Variants in FRY observed in about 807,000 individuals in gnomAD.
FRY encodes FRY microtubule binding protein.
A neutral mutation model predicts 348.4 loss-of-function variants in FRY; 128 were observed. That is an observed-to-expected ratio of 0.37 (90% confidence interval 0.32 to 0.43). The LOEUF is 0.43. Ranked by LOEUF, FRY falls within the 20% of genes least tolerant of loss-of-function variation. The pLI is 1.00. For synonymous variants in FRY, 1,370 were observed against 1,374.7 expected (o/e 1.00, Z 0.08); for missense variants, 2,736 against 3,695.2 (o/e 0.74, Z 6.73).
chr13:32,173,673 A>C (rs1882219632), intron 19 of FRY, 124 bp downstream of exon 19: 1 of 773,244 alleles, frequency 1.3e-6, no homozygotes, highest in African/African-American at 1.7e-5. Flanking sequence ...TGTTTCATTC[A>C]TTGTTAGGTT....
Position 32,237,335 on chromosome 13 carries a change from A to C in FRY, c.5811-44A>C, listed in dbSNP as rs760687612. 109 of 1,605,054 alleles carry C rather than the reference A, an allele frequency of 6.8e-5. No individual in the cohort carries two copies. The highest frequency in any genetic ancestry group is 8.7e-5 in the Non-Finnish European group (102 of 1,176,124). On this transcript the variant is annotated intron_variant, in intron 43 of 60. Coordinates refer to ENST00000542859, the MANE Select transcript of FRY (RefSeq NM_023037.3). This position sits in a 1 kb window ranked among gnomAD's most constrained non-coding sequence, Gnocchi z 6.3. The stretch of plus-strand genomic sequence containing the variant: ...GACTTGAAAGGACTGGCTTTTGGTG[A>C]CACATGTTGGCATCCTATTAAACTT...
At chr13:32,267,016 C>T (rs1244910457) in intron 54 of FRY, among the ~76,000 whole-genome samples, 154 bp from the exon 55 acceptor site, 3 of 152,162 alleles carry the variant, frequency 2.0e-5, no homozygotes, top group East Asian at 1.9e-4. Context: ...ACAGTGACTG[C>T]TGAATGAAAG....
In FRY at chr13:32,050,624, C is replaced by T. The variant is rs1873271536; in HGVS notation, c.70+18759C>T. Among the ~76,000 whole-genome samples, 2 of 152,332 alleles carry T rather than the reference C, an allele frequency of 1.3e-5. 1 individual carries two copies. Among genetic ancestry groups the T allele is most frequent in the South Asian group, 4.1e-4 (2 of 4,830 alleles). On this transcript the variant is annotated intron_variant, in intron 1 of 60. Transcript: ENST00000542859. ...GTTCTTATGCCACTTCAAACTCCAT[C>T]CCATTAGGCTAGTTGAATCAGATTC...
chr13:32,143,757 C>T (rs1880225966), intron 11 of FRY, among the ~76,000 whole-genome samples: 2 of 152,240 alleles, frequency 1.3e-5, no homozygotes, highest in South Asian at 4.1e-4. Context: ...AAGGCAGGGG[C>T]TACATTTCCC....
intron 1 of FRY, among the ~76,000 whole-genome samples, chr13:32,059,361 G>A (rs772149094): frequency 3.4e-5 from 5 of 148,484 alleles, no homozygotes; most frequent in African/African-American, 5.0e-5. Context: ...GGATTTATTT[G>A]CACCTGACCA....
intron 1 of FRY, among the ~76,000 whole-genome samples, chr13:32,048,925 T>C (rs982578274): frequency 1.3e-5 from 2 of 152,220 alleles, no homozygotes. Flanking sequence ...TTACCAATTA[T>C]TAAATGCTTA....
intron 2 of FRY, among the ~76,000 whole-genome samples, chr13:32,099,453 G>C (rs1287270631): frequency 6.6e-6 from 1 of 151,624 alleles, no homozygotes; most frequent in African/African-American, 2.4e-5. Flanking sequence ...ATTTTGGAAA[G>C]GGTGAATTAG....
intron 58 of FRY, among the ~76,000 whole-genome samples, chr13:32,280,079 C>T (rs1309273736): frequency 1.3e-5 from 2 of 152,104 alleles, no homozygotes; most frequent in African/African-American, 2.4e-5. Flanking sequence ...AAGTCATTTG[C>T]TCTCTCTGGA....
chr13:32,125,913 T>C (rs1878989711), intron 7 of FRY, among the ~76,000 whole-genome samples: 1 of 152,136 alleles, frequency 6.6e-6, no homozygotes, highest in Non-Finnish European at 1.5e-5. Flanking sequence ...GCTCAACCGC[T>C]GGTGGCAACA....
At chr13:32,082,947 A>C (rs556311411) in intron 2 of FRY, among the ~76,000 whole-genome samples, 1 of 150,614 alleles carries the variant, frequency 6.6e-6, no homozygotes, top group Admixed American at 6.6e-5. Flanking sequence ...CTTGTTGGAG[A>C]CTCTTGTGCT....
chr13:32,211,857 C>T (rs897821081), intron 34 of FRY, among the ~76,000 whole-genome samples: 1 of 152,134 alleles, frequency 6.6e-6, no homozygotes, highest in African/African-American at 2.4e-5. Flanking sequence ...CGCCCTACAC[C>T]CTGCCACCAG....
At position 32,237,475 on chromosome 13, in the gene FRY, C is replaced by T; in HGVS notation, c.5907C>T (p.Asn1969=). 1.2e-6 allele frequency: 2 copies of T among 1,614,176 alleles called. No individual in the cohort carries two copies. Among genetic ancestry groups the T allele is most frequent in the Non-Finnish European group, 1.7e-6 (2 of 1,180,032 alleles). The change falls in exon 44 of 61, where the codon AAC becomes AAT. Residue 1969 remains asparagine, a synonymous_variant. Transcript: ENST00000542859. The surrounding 1 kb of genome is among the most constrained non-coding windows in gnomAD (Gnocchi z 6.3). ...TGAACCCGGGAACCACCAGCGGCAA[C>T]ACCGCAACTGCCGAACGGAGCCGGC... ...LNMNPGTTSG[N]TATAERSRHQ... is the part of the protein sequence containing the mutation.
At chr13:32,214,235 T>C (rs1478772690) in intron 35 of FRY, among the ~76,000 whole-genome samples, 1 of 152,216 alleles carries the variant, frequency 6.6e-6, no homozygotes, top group Non-Finnish European at 1.5e-5. Context: ...CCTTCCTTCC[T>C]TGTAATCCCT....
chr13:32,178,963 G>A lies in FRY; in HGVS notation c.2801G>A (p.Gly934Glu). The A allele has an allele frequency of 6.2e-7, 1 of 1,613,812 alleles. No individual in the cohort carries two copies. Among genetic ancestry groups the A allele is most frequent in the Non-Finnish European group, 8.5e-7 (1 of 1,179,760 alleles). ...GVAKPSIMSP[G>E]HLRASTPEIM... is the part of the protein sequence containing the mutation. ...GCAAAACCCAGTATTATGAGCCCAG[G>A]ACACTTAAGAGCTTCCACTCCAGAA... is the stretch of plus-strand genomic sequence containing the variant. Residue 934 changes from glycine to glutamate, a missense_variant, in exon 22 of 61, where the codon GGA becomes GAA. Physicochemically the swap from Gly to Glu is moderately conservative, Grantham distance 98. Coordinates refer to ENST00000542859, the MANE Select transcript of FRY (RefSeq NM_023037.3).
intron 11 of FRY, among the ~76,000 whole-genome samples, chr13:32,141,857 G>A (rs991208822): frequency 1.3e-5 from 2 of 152,142 alleles, no homozygotes; most frequent in Admixed American, 1.3e-4. Flanking sequence ...TGGCAGTGAG[G>A]TGAGATGCAG....
chr13:32,217,335 GC>G (rs1390683796), intron 35 of FRY, among the ~76,000 whole-genome samples: 4 of 151,884 alleles, frequency 2.6e-5, no homozygotes, highest in African/African-American at 7.3e-5. Context: ...TGCCCACACT[GC>G]CCCTGAACCA....
At chr13:32,076,463 G>A (rs1875066039) in intron 1 of FRY, among the ~76,000 whole-genome samples, 1 of 152,174 alleles carries the variant, frequency 6.6e-6, no homozygotes, top group Non-Finnish European at 1.5e-5. Context: ...CTGCACTGGG[G>A]AAGTAGGAGG....
intron 17 of FRY, 78 bp from the exon 18 acceptor site, chr13:32,170,934 A>G (rs1038302249): frequency 1.6e-5 from 17 of 1,046,174 alleles, no homozygotes; most frequent in Non-Finnish European, 2.3e-5. Flanking sequence ...ATATACATTA[A>G]TATCTATTAA....
chr13:32,201,416 T>G (rs868075753), intron 29 of FRY, among the ~76,000 whole-genome samples: 2 of 152,380 alleles, frequency 1.3e-5, no homozygotes, highest in Middle Eastern at 6.8e-3. Flanking sequence ...CTGTACAGGT[T>G]GTCTCCATGA....
Sources: gnomAD v4.1 joint callset for allele counts (sites outside exome capture counted in the v4.1 genomes callset) on GRCh38, gnomAD v4.1.1 for gene constraint, Gnocchi (gnomAD v3.1) non-coding constraint, MANE v1.5 for transcripts, NCBI Gene and HGNC (gene_info 2026-07-23, HGNC 2026-07-21) for gene names.